The following JAKMIP2 variants were observed in gnomAD, a reference collection of about 807,000 sequenced individuals.
JAKMIP2 encodes janus kinase and microtubule-interacting protein 2.
In JAKMIP2, 25 loss-of-function variants were observed where a neutral mutation model predicts 115.0. That is an observed-to-expected ratio of 0.22 (90% CI 0.16 to 0.30). The LOEUF is 0.30. Among genes scored for constraint, JAKMIP2 ranks in the 10% least tolerant of loss-of-function variants. JAKMIP2 has a pLI of 1.00. For synonymous variants in JAKMIP2, 334 were observed against 343.6 expected (o/e 0.97, Z 0.31); for missense variants, 642 against 957.6 (o/e 0.67, Z 4.35).
At chr5:147,593,289 A>G (rs1755188890) in intron 21 of JAKMIP2, among the ~76,000 whole-genome samples, 1 of 152,246 alleles carries the variant, frequency 6.6e-6, no homozygotes, top group Non-Finnish European at 1.5e-5. Context: ...GGAATAGGGC[A>G]GTGGGCATCC....
intron 1 of JAKMIP2, among the ~76,000 whole-genome samples, chr5:147,690,484 A>C (rs1015492203): frequency 1.3e-5 from 2 of 148,938 alleles, no homozygotes; most frequent in Non-Finnish European, 3.0e-5. Flanking sequence ...TTTAAAGAGC[A>C]AGATGACGAA....
intron 1 of JAKMIP2, among the ~76,000 whole-genome samples, chr5:147,751,715 C>T (rs1754568255): frequency 6.6e-6 from 1 of 152,102 alleles, no homozygotes; most frequent in East Asian, 1.9e-4. Context: ...TTCTGAAATT[C>T]TTTCTGGTCG....
intron 1 of JAKMIP2, among the ~76,000 whole-genome samples, chr5:147,723,028 T>A (rs62377179): frequency 8.5e-6 from 1 of 117,724 alleles, no homozygotes; most frequent in Non-Finnish European, 1.9e-5. Flanking sequence ...TCAAAAAATT[T>A]AACCACGCAT....
intron 1 of JAKMIP2, among the ~76,000 whole-genome samples, chr5:147,739,312 C>G (rs1332130511): frequency 6.6e-6 from 1 of 152,054 alleles, no homozygotes; most frequent in Non-Finnish European, 1.5e-5. Flanking sequence ...ATTTCTCTAG[C>G]GGGTCAAAGA....
At chr5:147,711,067 C>G (rs185397724) in intron 1 of JAKMIP2, among the ~76,000 whole-genome samples, 1 of 152,302 alleles carries the variant, frequency 6.6e-6, no homozygotes, top group Admixed American at 6.5e-5. Context: ...ATAGTAGAGA[C>G]ATGAATAGAT....
At chr5:147,665,119 G>T (rs1177730882) in intron 2 of JAKMIP2, among the ~76,000 whole-genome samples, 5 of 152,094 alleles carry the variant, frequency 3.3e-5, no homozygotes, top group Admixed American at 1.3e-4. Flanking sequence ...TTCTAGATTG[G>T]GGTGGGCAAA....
intron 1 of JAKMIP2, among the ~76,000 whole-genome samples, chr5:147,752,903 T>G (rs1459592994): frequency 6.6e-6 from 1 of 152,098 alleles, no homozygotes; most frequent in East Asian, 1.9e-4. Context: ...GGCAGCTTTG[T>G]GGGAAGAGTG....
chr5:147,775,001 T>G (rs1755504064), intron 1 of JAKMIP2, among the ~76,000 whole-genome samples: 2 of 152,138 alleles, frequency 1.3e-5, no homozygotes, highest in Admixed American at 6.5e-5. Flanking sequence ...CCATGCATAT[T>G]CTAACTGAAA....
intron 21 of JAKMIP2, among the ~76,000 whole-genome samples, chr5:147,596,597 T>C (rs1334936880): frequency 3.4e-4 from 51 of 152,212 alleles, no homozygotes; most frequent in Non-Finnish European, 8.8e-5. Context: ...TCCATCTGCC[T>C]CTCAGTTCAT....
intron 1 of JAKMIP2, among the ~76,000 whole-genome samples, chr5:147,778,731 A>G (rs1008531032): frequency 1.1e-4 from 16 of 149,682 alleles, no homozygotes; most frequent in African/African-American, 3.3e-4. Context: ...AAAACTTGTA[A>G]TAATATAAGG....
chr5:147,678,995 A>G (rs940010984), intron 1 of JAKMIP2, among the ~76,000 whole-genome samples: 2 of 136,092 alleles, frequency 1.5e-5, no homozygotes, highest in Admixed American at 7.5e-5. Flanking sequence ...TTATTTATTT[A>G]TTTAGTATGG....
intron 1 of JAKMIP2, among the ~76,000 whole-genome samples, chr5:147,748,930 T>G (rs980509302): frequency 1.3e-5 from 2 of 152,184 alleles, no homozygotes; most frequent in African/African-American, 2.4e-5. Context: ...GTTTTCTCTT[T>G]CTTTTGCCTA....
intron 1 of JAKMIP2, among the ~76,000 whole-genome samples, chr5:147,749,339 G>C (rs1754465953): frequency 6.6e-6 from 1 of 152,098 alleles, no homozygotes; most frequent in South Asian, 2.1e-4. Context: ...ACAGCAGAAT[G>C]AGCAAAAGGA....
rs1353693511 is a variant in JAKMIP2, at chr5:147,671,720, C to T, written c.87G>A (p.Lys29=). Residue 29 remains lysine (K), a synonymous_variant, in exon 2 of 22, where the codon AAG becomes AAA. Coordinates refer to ENST00000616793, the MANE Select transcript of JAKMIP2 (RefSeq NM_001270941.2). The part of the protein sequence containing the change: ...LQAANEDLRT[K]LTDIQIELHQ... ...GCAGCTCTATCTGAATGTCTGTGAG[C>T]TTGGTCCTGAGGTCTTCATTGGCAG... 6.3e-7 allele frequency: 1 copy of T among 1,578,330 alleles called. No individual in the cohort carries two copies. The highest frequency in any genetic ancestry group is 8.6e-7 in the Non-Finnish European group (1 of 1,160,994).
intron 1 of JAKMIP2, among the ~76,000 whole-genome samples, chr5:147,726,390 A>C (rs759513038): frequency 6.6e-6 from 1 of 152,192 alleles, no homozygotes; most frequent in Non-Finnish European, 1.5e-5. Flanking sequence ...AGGGCTGCCC[A>C]AGGAAAGGGA....
At chr5:147,637,835 A>G (rs1041972953) in intron 10 of JAKMIP2, among the ~76,000 whole-genome samples, 10 of 152,232 alleles carry the variant, frequency 6.6e-5, no homozygotes, top group African/African-American at 2.4e-4. Context: ...TTTGAATACT[A>G]ATCTTGTATG....
rs1561531706 is a variant in JAKMIP2, at chr5:147,675,782, C to CTTTTTTTTTTTTTTTTTTTTTTT, written c.-148-3829_-148-3828insAAAAAAAAAAAAAAAAAAAAAAA. On this transcript the variant is annotated intron_variant, in intron 1 of 21. Coordinates refer to ENST00000616793, the MANE Select transcript of JAKMIP2 (RefSeq NM_001270941.2). ...ATTTTGTATAAGTGGAATCATATGACATTTTTTTTTTTTTTTTTTTTTTGT... is the reference window on the plus strand; with the variant it reads ...ATTTTGTATAAGTGGAATCATATGACTTTTTTTTTTTTTTTTTTTTTTTATTTTTTTTTTTTTTTTTTTTTTGT... Among the ~76,000 whole-genome samples the CTTTTTTTTTTTTTTTTTTTTTTT allele has an allele frequency of 1.6e-5, 2 of 126,800 alleles. 1 individual carries two copies. The allele number at this position is 126,800 out of a possible 152,430, so 83.2% of individuals were successfully genotyped here.
At chr5:147,654,975 C>T (rs1758605736) in intron 3 of JAKMIP2, among the ~76,000 whole-genome samples, 2 of 152,198 alleles carry the variant, frequency 1.3e-5, no homozygotes, top group Admixed American at 6.5e-5. Context: ...TGGTTTTGGT[C>T]ATTGGTTCTG....
intron 3 of JAKMIP2, among the ~76,000 whole-genome samples, chr5:147,657,541 G>A (rs554874898): frequency 2.0e-5 from 3 of 152,218 alleles, no homozygotes; most frequent in South Asian, 4.1e-4. Flanking sequence ...GGATTTGAAC[G>A]TTGGCCTGTC....
Sources: gnomAD v4.1 joint callset for allele counts (sites outside exome capture counted in the v4.1 genomes callset) on GRCh38, gnomAD v4.1.1 for gene constraint, MANE v1.5 for transcripts, NCBI Gene and HGNC (gene_info 2026-07-23, HGNC 2026-07-21) for gene names.